Variants in GLI3 observed in about 807,000 individuals in gnomAD.
GLI3 encodes transcription activator GLI3.
GLI3 carries 20 observed loss-of-function variants against 100.8 expected under a neutral mutation model. The observed-to-expected ratio is 0.20, with a 90% confidence interval of 0.14 to 0.29. The LOEUF (loss-of-function observed/expected upper bound fraction) is 0.29. Ranked by LOEUF, GLI3 falls within the 10% of genes least tolerant of loss-of-function variation. The pLI, the probability that GLI3 is intolerant of heterozygous loss-of-function variation, is 1.00. For synonymous variants in GLI3, 938 were observed against 860.5 expected, an observed-to-expected ratio of 1.09 and a Z score of -1.58; for missense variants, 2,040 against 2,128.5, an observed-to-expected ratio of 0.96 and a Z score of 0.82.
At chr7:42,203,778 C>T (rs1226415938) in intron 2 of GLI3, among the ~76,000 whole-genome samples, 1 of 152,060 alleles carries the variant, frequency 6.6e-6, no homozygotes, top group Non-Finnish European at 1.5e-5. Context: ...ACAGGCAGAT[C>T]ATTTGAGACC....
intron 2 of GLI3, among the ~76,000 whole-genome samples, chr7:42,174,229 G>A (rs999639947): frequency 6.6e-6 from 1 of 151,910 alleles, no homozygotes; most frequent in African/African-American, 2.4e-5. Flanking sequence ...CATCATCTGG[G>A]TAACTAATTT....
chr7:42,184,064 C>G (rs150085252), intron 2 of GLI3, among the ~76,000 whole-genome samples: 4 of 152,164 alleles, frequency 2.6e-5, no homozygotes, highest in Admixed American at 2.6e-4. Context: ...ATAGGATTAC[C>G]GAGGATTAGA....
chr7:42,075,493 C>A (rs1043291934), intron 4 of GLI3, among the ~76,000 whole-genome samples: 3 of 152,164 alleles, frequency 2.0e-5, no homozygotes, highest in Non-Finnish European at 4.4e-5. Context: ...TAGGAATTTC[C>A]TTCCCTTTGT....
chr7:42,239,802 T>C (rs1277224901), upstream of GLI3, among the ~76,000 whole-genome samples: 1 of 152,198 alleles, frequency 6.6e-6, no homozygotes, highest in Non-Finnish European at 1.5e-5. Flanking sequence ...CAACTCTGCT[T>C]TAATGGTAAA....
At chr7:41,970,346 CCTA>C (rs1310788108) in intron 13 of GLI3, among the ~76,000 whole-genome samples, 1 of 151,982 alleles carries the variant, frequency 6.6e-6, no homozygotes, top group Non-Finnish European at 1.5e-5. Context: ...TGTGAAGATA[CCTA>C]CTTTTAAATG....
chr7:42,224,185 A>C (rs1243311659), intron 1 of GLI3, among the ~76,000 whole-genome samples: 2 of 152,234 alleles, frequency 1.3e-5, no homozygotes, highest in African/African-American at 2.4e-5. Context: ...ACAAGAAAAG[A>C]GGAAAAGTAC....
chr7:42,078,584 TGA>T (rs1784929678), intron 3 of GLI3, among the ~76,000 whole-genome samples: 1 of 152,034 alleles, frequency 6.6e-6, no homozygotes, highest in Non-Finnish European at 1.5e-5. Context: ...GTCATAAGAT[TGA>T]GTAGGGAGGG....
intron 3 of GLI3, among the ~76,000 whole-genome samples, chr7:42,094,751 TA>T (rs1000113957): frequency 4.0e-5 from 6 of 149,600 alleles, no homozygotes; most frequent in East Asian, 2.0e-4. Flanking sequence ...AAAAATTAAT[TA>T]AAAAAAAAGA....
At position 42,048,522 on chromosome 7, in the gene GLI3, G is replaced by A. The variant is rs886043938; in HGVS notation, c.648C>T (p.Ile216=). Residue 216 remains isoleucine (I), a synonymous_variant, in exon 5 of 15, where the codon ATC becomes ATT. Transcript: ENST00000395925. The stretch of plus-strand genomic sequence containing the variant: ...TAGGGCTCAGCCCACGGGTTGCTGA[G>A]ATCATGGAGAGCGATGGGCTGCTGT... The part of the protein sequence containing the change: ...SLHSSPSLSM[I]SATRGLSPTD... 25 of 1,613,382 alleles carry A rather than the reference G, an allele frequency of 1.5e-5. No individual in the cohort carries two copies. Among genetic ancestry groups the A allele is most frequent in the Non-Finnish European group, 1.9e-5 (23 of 1,179,754 alleles).
chr7:42,203,537 T>C lies in GLI3; in HGVS notation c.124+19593A>G, dbSNP rs77377017. 6.6e-4 allele frequency among the ~76,000 whole-genome samples: 100 copies of C among 152,328 alleles called. 1 individual carries two copies. In the East Asian group the frequency reaches 0.016, roughly 25 times the overall value. ...ACATAATGTCCTCCAGTTGCATCCA[T>C]GTTGTCAAAAATGACAGGATTGCCT... On this transcript the variant is annotated intron_variant, in intron 2 of 14. Coordinates refer to ENST00000395925, the MANE Select transcript of GLI3 (RefSeq NM_000168.6).
At chr7:41,981,114 C>T (rs1330021380) in intron 10 of GLI3, among the ~76,000 whole-genome samples, 2 of 152,108 alleles carry the variant, frequency 1.3e-5, no homozygotes, top group African/African-American at 2.4e-5. Context: ...GACACTACAG[C>T]GGACCGATGA....
chr7:41,974,632 G>A (rs928974690), intron 12 of GLI3, among the ~76,000 whole-genome samples: 2 of 152,128 alleles, frequency 1.3e-5, no homozygotes, highest in African/African-American at 4.8e-5. Context: ...GACAGAGGAG[G>A]GATCATTTTT....
chr7:42,227,835 G>A (rs1788612620), intron 1 of GLI3: 1 of 152,246 alleles, frequency 6.6e-6, no homozygotes, highest in Admixed American at 6.5e-5. Context: ...AAGGGGCGGG[G>A]GACCAGTGGA....
At chr7:42,082,843 A>G (rs1001850438) in intron 3 of GLI3, among the ~76,000 whole-genome samples, 2 of 152,140 alleles carry the variant, frequency 1.3e-5, no homozygotes, top group Non-Finnish European at 2.9e-5. Context: ...ATGCTATAGG[A>G]GGAAACTGCA....
At chr7:42,064,309 A>G (rs1784631179) in intron 4 of GLI3, among the ~76,000 whole-genome samples, 1 of 152,216 alleles carries the variant, frequency 6.6e-6, no homozygotes, top group Non-Finnish European at 1.5e-5. Context: ...AAATTTTTCC[A>G]TAATCATGAA....
chr7:42,200,822 T>C (rs1011810130), intron 2 of GLI3, among the ~76,000 whole-genome samples: 1 of 151,590 alleles, frequency 6.6e-6, no homozygotes, highest in Non-Finnish European at 1.5e-5. Context: ...AAAATAGGCA[T>C]TTATATGTGG....
chr7:42,235,663 G>C (rs1788775094), intron 1 of GLI3, among the ~76,000 whole-genome samples: 1 of 152,176 alleles, frequency 6.6e-6, no homozygotes, highest in South Asian at 2.1e-4. Context: ...GAAAAGGGGA[G>C]CAGGAGGTAT....
chr7:42,066,754 C>T (rs1177522806), intron 4 of GLI3, among the ~76,000 whole-genome samples: 2 of 152,220 alleles, frequency 1.3e-5, no homozygotes, highest in Admixed American at 6.5e-5. Flanking sequence ...CAGCTCCAGC[C>T]TCACTCTTCT....
At chr7:42,107,049 C>T (rs1254254490) in intron 3 of GLI3, among the ~76,000 whole-genome samples, 3 of 152,234 alleles carry the variant, frequency 2.0e-5, no homozygotes, top group Non-Finnish European at 4.4e-5. Flanking sequence ...GGTGTGGCGG[C>T]TCACACCTGT....
Sources: allele counts gnomAD v4.1 joint callset (sites outside exome capture counted in the v4.1 genomes callset), GRCh38; gene constraint gnomAD v4.1.1; transcripts MANE v1.5; gene names NCBI Gene and HGNC (gene_info 2026-07-23, HGNC 2026-07-21).